The following DOCK4 variants were observed in gnomAD, a reference collection of about 807,000 sequenced individuals.
The protein encoded by DOCK4 is dedicator of cytokinesis protein 4.
DOCK4 carries 97 observed loss-of-function variants against 268.1 expected under a neutral mutation model. The ratio of observed to expected loss-of-function variants is 0.36; its 90% CI spans 0.31 to 0.43. The LOEUF is 0.43. DOCK4 is among the 20% of genes least tolerant of loss of function. The pLI, the probability that DOCK4 is intolerant of heterozygous loss-of-function variation, is 1.00. For missense variants in DOCK4, 2,145 were observed against 2,455.7 expected (o/e 0.87, Z 2.67); for synonymous variants, 954 against 887.2 (o/e 1.08, Z -1.34).
intron 31 of DOCK4, 108 bp from the exon 32 acceptor site, chr7:111,788,855 G>A: frequency 1.0e-6 from 1 of 1,004,150 alleles, no homozygotes; most frequent in Non-Finnish European, 1.5e-6. Flanking sequence ...GGTAAATTTT[G>A]TGAAAGTGAC....
At position 111,728,417 on chromosome 7, in the gene DOCK4, G is replaced by A. The variant is rs1160159955; in HGVS notation, c.5785C>T (p.Leu1929Phe). 3 of 1,579,416 alleles carry A rather than the reference G, an allele frequency of 1.9e-6. No individual in the cohort carries two copies. The highest frequency in any genetic ancestry group is 1.7e-6 in the Non-Finnish European group (2 of 1,161,208). ...GGCTCCGACGTGACGGGGATGGAGAGGCTGTGAGGTAGCGGGACGGGGCGC... is the reference window on the plus strand; with the variant it reads ...GGCTCCGACGTGACGGGGATGGAGAAGCTGTGAGGTAGCGGGACGGGGCGC... Reference protein sequence around the residue: ...LRRPVPLPHSLSIPVTSEPPA... With the variant: ...LRRPVPLPHSFSIPVTSEPPA... The change falls in exon 53 of 53, where the codon CTC becomes TTC. Residue 1929 changes from leucine to phenylalanine, a missense_variant. Coordinates refer to ENST00000428084, the MANE Select transcript of DOCK4 (RefSeq NM_001363540.2).
intron 1 of DOCK4, among the ~76,000 whole-genome samples, chr7:112,114,822 G>A (rs1811978321): frequency 6.6e-6 from 1 of 152,160 alleles, no homozygotes; most frequent in Non-Finnish European, 1.5e-5. Context: ...GTAGCCAGAA[G>A]TTTTCCCAGC....
intron 1 of DOCK4, among the ~76,000 whole-genome samples, chr7:112,192,122 T>G (rs1347122266): frequency 6.6e-6 from 1 of 151,322 alleles, no homozygotes; most frequent in East Asian, 1.9e-4. Context: ...TAGTTTCTAT[T>G]TATCCTTCCC....
At chr7:112,021,202 A>G (rs1802289554) in intron 1 of DOCK4, among the ~76,000 whole-genome samples, 1 of 152,226 alleles carries the variant, frequency 6.6e-6, no homozygotes, top group Non-Finnish European at 1.5e-5. Context: ...AATGCTACCA[A>G]TGAATATGAG....
At chr7:111,852,486 A>G (rs954520622) in intron 23 of DOCK4, among the ~76,000 whole-genome samples, 26 of 150,940 alleles carry the variant, frequency 1.7e-4, no homozygotes, top group Middle Eastern at 3.4e-3. Flanking sequence ...CAAATCAATT[A>G]CTTAACAAAA....
In DOCK4 at chr7:112,065,493, A is replaced by G. The variant is rs151190525; in HGVS notation, c.38-61362T>C. 5.9e-3 allele frequency among the ~76,000 whole-genome samples: 896 copies of G among 150,956 alleles called. 14 individuals carry two copies. The highest frequency in any genetic ancestry group is 0.021 in the African/African-American group (844 of 41,006). On this transcript the variant is annotated intron_variant, in intron 1 of 52. Coordinates refer to ENST00000428084, the MANE Select transcript of DOCK4 (RefSeq NM_001363540.2). ...CATTATCTTACCTGGTAGAACTTCA[A>G]CTGCATGAGGGAAGGTACCATGTCT...
chr7:111,800,749 CA>C (rs943737709), intron 30 of DOCK4, among the ~76,000 whole-genome samples: 4 of 152,078 alleles, frequency 2.6e-5, no homozygotes, highest in African/African-American at 9.7e-5. Flanking sequence ...GCTATTCTTC[CA>C]AAAACCCTTA....
intron 30 of DOCK4, 98 bp from the exon 31 acceptor site, chr7:111,790,703 A>G: frequency 7.7e-7 from 1 of 1,302,482 alleles, no homozygotes; most frequent in Non-Finnish European, 1.0e-6. Context: ...TGCTAGAAAT[A>G]TATTCAATTA....
chr7:111,782,794 A>G (rs1798870320), intron 35 of DOCK4, 70 bp downstream of exon 35: 1 of 1,468,042 alleles, frequency 6.8e-7, no homozygotes, highest in Non-Finnish European at 9.5e-7. Context: ...ACACAAACAA[A>G]ACATAGTATT....
chr7:111,954,951 A>G (rs1796346819), intron 8 of DOCK4, among the ~76,000 whole-genome samples: 1 of 152,198 alleles, frequency 6.6e-6, no homozygotes, highest in South Asian at 2.1e-4. Context: ...CTGGGTCAGG[A>G]TGGACCTAAA....
intron 47 of DOCK4, among the ~76,000 whole-genome samples, chr7:111,740,729 TAAAAAAAAAAAAAAAAAA>T (rs59019816): frequency 1.8e-4 from 3 of 16,472 alleles, no homozygotes; most frequent in South Asian, 5.7e-3. Context: ...TGAGACTCGC[TAAAAAAAAAAAAAAAAAA>T]AAAAAAAAAA....
intron 1 of DOCK4, among the ~76,000 whole-genome samples, chr7:112,121,999 A>C (rs1284930777): frequency 6.6e-6 from 1 of 152,208 alleles, no homozygotes; most frequent in Non-Finnish European, 1.5e-5. Context: ...GACTATAAAA[A>C]AATGCTGCAA....
chr7:111,906,899 A>C (rs1791624340), intron 13 of DOCK4, among the ~76,000 whole-genome samples: 1 of 152,224 alleles, frequency 6.6e-6, no homozygotes, highest in Admixed American at 6.5e-5. Flanking sequence ...ATTTTAGTTC[A>C]GTGAGACTAG....
intron 12 of DOCK4, among the ~76,000 whole-genome samples, chr7:111,927,161 C>G (rs1793784023): frequency 1.3e-5 from 2 of 152,166 alleles, no homozygotes; most frequent in African/African-American, 4.8e-5. Flanking sequence ...AAGTGGGTAA[C>G]TCTGTCCATT....
rs1057336467 is a variant in DOCK4 at position 111,913,730 on chromosome 7, T to A, written c.1192+2049A>T. 7.9e-4 allele frequency among the ~76,000 whole-genome samples: 119 copies of A among 150,542 alleles called. 1 individual carries two copies. Among genetic ancestry groups the A allele is most frequent in the Admixed American group, 1.5e-3 (23 of 15,128 alleles). Reference sequence around the variant, plus strand: ...GGCCACAATTTTTTTTTTTTTTTTTTAATTAGCCAGGTGTGGTGGTATATG... The same window carrying A: ...GGCCACAATTTTTTTTTTTTTTTTTAAATTAGCCAGGTGTGGTGGTATATG... On this transcript the variant is annotated intron_variant, in intron 13 of 52. Transcript: ENST00000428084.
At chr7:111,835,910 C>A (rs952583612) in intron 25 of DOCK4, among the ~76,000 whole-genome samples, 4 of 152,094 alleles carry the variant, frequency 2.6e-5, no homozygotes, top group African/African-American at 9.7e-5. Flanking sequence ...TAATCATTTG[C>A]AACACACAGG....
chr7:111,775,289 A>G (rs887476547), intron 36 of DOCK4, among the ~76,000 whole-genome samples: 1 of 152,190 alleles, frequency 6.6e-6, no homozygotes, highest in African/African-American at 2.4e-5. Context: ...TTACTCTTTT[A>G]AAGTTGGGGA....
intron 37 of DOCK4, among the ~76,000 whole-genome samples, chr7:111,768,875 G>C (rs1797936164): frequency 6.6e-6 from 1 of 152,142 alleles, no homozygotes; most frequent in Non-Finnish European, 1.5e-5. Flanking sequence ...TTGGGTCTCT[G>C]ACAAATTCAT....
chr7:112,149,054 T>A (rs1815791283), intron 1 of DOCK4, among the ~76,000 whole-genome samples: 1 of 152,178 alleles, frequency 6.6e-6, no homozygotes, highest in Non-Finnish European at 1.5e-5. Flanking sequence ...TTTGAACTTT[T>A]AAAAAATACC....
Sources: allele counts gnomAD v4.1 joint callset (sites outside exome capture counted in the v4.1 genomes callset), GRCh38; gene constraint gnomAD v4.1.1; transcripts MANE v1.5; gene names NCBI Gene and HGNC (gene_info 2026-07-23, HGNC 2026-07-21).